The following SPNS3 variants were observed in gnomAD, a reference collection of about 807,000 sequenced individuals.
The protein encoded by SPNS3 is protein spinster homolog 3.
SPNS3 carries 51 observed loss-of-function variants against 54.4 expected under a neutral mutation model. The observed-to-expected ratio is 0.94, with a 90% confidence interval of 0.75 to 1.18. The LOEUF is 1.18. Among genes scored for constraint, SPNS3 ranks in the 50% most tolerant of loss-of-function variants. The pLI, the probability that SPNS3 is intolerant of heterozygous loss-of-function variation, is 0.00. For missense variants in SPNS3, 669 were observed against 677.4 expected, an observed-to-expected ratio of 0.99 and a Z score of 0.14; for synonymous variants, 309 against 294.7, an observed-to-expected ratio of 1.05 and a Z score of -0.50.
intron 9 of SPNS3, among the ~76,000 whole-genome samples, chr17:4,481,232 G>T (rs143107168): frequency 1.3e-5 from 2 of 152,028 alleles, no homozygotes; most frequent in East Asian, 3.9e-4. Context: ...AGGAGAGAGG[G>T]GGCCATGTTT....
intron 8 of SPNS3, among the ~76,000 whole-genome samples, chr17:4,460,350 T>C (rs1971462870): frequency 6.6e-6 from 1 of 152,194 alleles, no homozygotes; most frequent in Non-Finnish European, 1.5e-5. Flanking sequence ...TGACTGATAT[T>C]TATATGTTTA....
At position 4,473,673 on chromosome 17, in the gene SPNS3, C is replaced by T. The variant is rs186387059; in HGVS notation, c.1114-4899C>T. Among the ~76,000 whole-genome samples the T allele has an allele frequency of 6.6e-5, 10 of 152,294 alleles. No homozygotes were observed. In the East Asian group the frequency reaches 1.9e-3, roughly 29 times the overall value. On this transcript the variant is annotated intron_variant, in intron 8 of 11. Transcript: ENST00000355530. ...AAAGTGCTGGGATTACAGGTGGGAG[C>T]CACTGTGCCCAGCCCCTTCCCAGTC...
intron 7 of SPNS3, among the ~76,000 whole-genome samples, chr17:4,452,283 G>T (rs866244733): frequency 6.6e-6 from 1 of 152,062 alleles, no homozygotes; most frequent in South Asian, 2.1e-4. Flanking sequence ...TTTTTGTAGA[G>T]ACAAAATCTT....
chr17:4,461,800 G>T, intron 8 of SPNS3, among the ~76,000 whole-genome samples: 1 of 152,166 alleles, frequency 6.6e-6, no homozygotes, highest in East Asian at 1.9e-4. Context: ...AGGCAGGAAA[G>T]TGAGCAGGAG....
At chr17:4,463,664 G>A (rs977159222) in intron 8 of SPNS3, among the ~76,000 whole-genome samples, 5 of 148,352 alleles carry the variant, frequency 3.4e-5, no homozygotes, top group South Asian at 2.2e-4. Flanking sequence ...GCTTGAACCC[G>A]GGAGGTGGAG....
At chr17:4,461,106 T>C (rs1971486951) in intron 8 of SPNS3, among the ~76,000 whole-genome samples, 1 of 152,160 alleles carries the variant, frequency 6.6e-6, no homozygotes, top group Admixed American at 6.6e-5. Flanking sequence ...TTTGTACATT[T>C]ATTCTAGGTT....
rs72819691 is a variant in SPNS3, at chr17:4,463,094, G to A, written c.1113+9889G>A. On this transcript the variant is annotated intron_variant, in intron 8 of 11. Transcript: ENST00000355530. ...AGTGTGTATATGTTCATTCTTGTGTGTAGACATTAAAATGAATATACTGGC... is the reference window on the plus strand; with the variant it reads ...AGTGTGTATATGTTCATTCTTGTGTATAGACATTAAAATGAATATACTGGC... Among the ~76,000 whole-genome samples the A allele has an allele frequency of 8.0e-3, 1,219 of 152,070 alleles. 9 individuals carry two copies. The highest frequency in any genetic ancestry group is 0.014 in the Non-Finnish European group (966 of 67,982).
At chr17:4,449,480 T>C in intron 7 of SPNS3, 93 bp downstream of exon 7, 2 of 1,394,856 alleles carry the variant, frequency 1.4e-6, no homozygotes, top group Non-Finnish European at 1.9e-6. Flanking sequence ...TTCAGTTTCT[T>C]GGGGTGGGGC....
intron 9 of SPNS3, chr17:4,481,939 A>T (rs1972164130): frequency 6.8e-6 from 1 of 147,974 alleles, no homozygotes; most frequent in African/African-American, 2.5e-5. Context: ...GCCAGGCTGG[A>T]GTGCAGTGGT....
rs1970947476 is a variant in SPNS3 at position 4,445,079 on chromosome 17, G to C, written c.313G>C (p.Gly105Arg). The change falls in exon 3 of 12, where the codon GGC becomes CGC. Residue 105 changes from glycine to arginine, a missense_variant. Coordinates refer to ENST00000355530, the MANE Select transcript of SPNS3 (RefSeq NM_182538.5). ...GTCTGCACCTGTGTTTGGCTACCTG[G>C]GCGACCGACATAGCCGCAAGGCTAC... ...LLSAPVFGYL[G>R]DRHSRKATMS... 1.2e-6 allele frequency: 2 copies of C among 1,613,994 alleles called. No individual in the cohort carries two copies. The highest frequency in any genetic ancestry group is 1.1e-5 in the South Asian group (1 of 91,082).
intron 4 of SPNS3, 114 bp downstream of exon 4, chr17:4,446,313 T>G (rs1252991914): frequency 2.6e-6 from 3 of 1,171,390 alleles, no homozygotes; most frequent in Non-Finnish European, 3.6e-6. Flanking sequence ...GGGATTTGAG[T>G]CCCAATGCTA....
intron 7 of SPNS3, among the ~76,000 whole-genome samples, chr17:4,452,601 C>T (rs577221068): frequency 2.8e-4 from 43 of 152,150 alleles, no homozygotes; most frequent in African/African-American, 1.0e-3. Flanking sequence ...CCCTCCATTC[C>T]TCTTAGTACT....
At chr17:4,435,447 A>AAT (rs1567550471) in intron 1 of SPNS3, among the ~76,000 whole-genome samples, 3 of 148,284 alleles carry the variant, frequency 2.0e-5, no homozygotes, top group African/African-American at 7.6e-5. Context: ...TCTCAAAAAA[A>AAT]AAAAAATAAA....
In SPNS3 at chr17:4,487,806, G is replaced by C; in HGVS notation, c.1451G>C (p.Gly484Ala). Reference sequence around the variant, plus strand: ...AGGCTGAGCATCTTTCCTCCTGCAGGGACCCCAGACAGCAATGATGTGGAC... The same window carrying C: ...AGGCTGAGCATCTTTCCTCCTGCAGCGACCCCAGACAGCAATGATGTGGAC... ...DETRAWQPVT[G>A]TPDSNDVDSN... Residue 484 changes from glycine to alanine, a missense_variant and splice_region_variant, in exon 12 of 12, where the codon GGG becomes GCG. Transcript: ENST00000355530. The C allele has an allele frequency of 6.2e-7, 1 of 1,613,924 alleles. No individual in the cohort carries two copies. The highest frequency in any genetic ancestry group is 8.5e-7 in the Non-Finnish European group (1 of 1,179,812).
chr17:4,477,737 C>G (rs1597340951), intron 8 of SPNS3, among the ~76,000 whole-genome samples: 1 of 152,150 alleles, frequency 6.6e-6, no homozygotes. Context: ...CTCGGTTTGA[C>G]TGTCCGCATG....
intron 8 of SPNS3, among the ~76,000 whole-genome samples, chr17:4,455,102 T>A (rs1272581940): frequency 6.6e-6 from 1 of 151,534 alleles, no homozygotes; most frequent in African/African-American, 2.4e-5. Flanking sequence ...TTAATAGAGA[T>A]GGGGTTTCGC....
intron 1 of SPNS3, 40 bp downstream of exon 1, chr17:4,434,206 G>A (rs1455621221): frequency 6.4e-7 from 1 of 1,551,222 alleles, no homozygotes; most frequent in Non-Finnish European, 8.8e-7. Flanking sequence ...ACCTGCTGCT[G>A]TGCCCACCAG....
chr17:4,481,532 G>A (rs886506791), intron 9 of SPNS3, among the ~76,000 whole-genome samples: 2 of 152,178 alleles, frequency 1.3e-5, no homozygotes, highest in African/African-American at 4.8e-5. Flanking sequence ...AAGCCACGAG[G>A]AGCTGATAGG....
intron 7 of SPNS3, among the ~76,000 whole-genome samples, chr17:4,451,084 C>T (rs1971151646): frequency 1.3e-5 from 2 of 152,034 alleles, no homozygotes; most frequent in South Asian, 4.1e-4. Flanking sequence ...ATAATCAATC[C>T]TAAGTCTCAT....
Sources: allele counts gnomAD v4.1 joint callset (sites outside exome capture counted in the v4.1 genomes callset), GRCh38; gene constraint gnomAD v4.1.1; transcripts MANE v1.5; gene names NCBI Gene and HGNC (gene_info 2026-07-23, HGNC 2026-07-21).